The following CCM2 variants were observed in gnomAD, a reference collection of about 807,000 sequenced individuals.
The protein encoded by CCM2 is cerebral cavernous malformations 2 protein.
Under a neutral mutation model 44.9 loss-of-function variants are expected in CCM2, and 25 were observed. The ratio of observed to expected loss-of-function variants is 0.56; its 90% CI spans 0.41 to 0.78. The LOEUF is 0.78. CCM2 is among the 30% of genes least tolerant of loss of function. The probability of loss-of-function intolerance (pLI) is 0.00; values close to 1 mark genes in which losing one functional copy is unlikely to be tolerated. For missense variants in CCM2, 481 were observed against 580.6 expected (o/e 0.83, Z 1.76); for synonymous variants, 219 against 241.1 (o/e 0.91, Z 0.85).
intron 1 of CCM2, among the ~76,000 whole-genome samples, chr7:45,022,538 C>T (rs1796523550): frequency 6.6e-6 from 1 of 151,508 alleles, no homozygotes; most frequent in African/African-American, 2.4e-5. Flanking sequence ...CATCTCCTGA[C>T]CTCGTCATCC....
rs574113712 is a variant in CCM2, at chr7:45,022,473, AT to A, written c.31-15774del. On this transcript the variant is annotated intron_variant, in intron 1 of 9. Transcript: ENST00000258781. ...AGGCGCCCACCACCGTGCCCGGCTA[AT>A]TTTTTGTATTTTTAGTAGAGACGGG... Among the ~76,000 whole-genome samples, 360 of 149,144 alleles carry A rather than the reference AT, an allele frequency of 2.4e-3. 2 individuals are homozygous for A. The highest frequency in any genetic ancestry group is 8.6e-3 in the African/African-American group (348 of 40,448).
intron 1 of CCM2, among the ~76,000 whole-genome samples, chr7:45,007,781 T>C (rs922362931): frequency 6.8e-6 from 1 of 148,054 alleles, no homozygotes; most frequent in Non-Finnish European, 1.5e-5. Flanking sequence ...CTGGTCAGCC[T>C]AAACCCGTGG....
intron 1 of CCM2, among the ~76,000 whole-genome samples, chr7:45,010,281 C>T (rs1432866379): frequency 6.6e-6 from 1 of 152,174 alleles, no homozygotes; most frequent in East Asian, 1.9e-4. Flanking sequence ...ACTGAAACCC[C>T]TACTAAGAAA....
chr7:45,063,982 A>G lies in CCM2; in HGVS notation c.269A>G (p.His90Arg), dbSNP rs747829765. 6.2e-7 allele frequency: 1 copy of G among 1,612,266 alleles called. No individual in the cohort carries two copies. The highest frequency in any genetic ancestry group is 2.2e-5 in the East Asian group (1 of 44,860). Reference protein sequence around the residue: ...LNPSSRTEILHFIDNAKRAHQ... With the variant: ...LNPSSRTEILRFIDNAKRAHQ... ...CCCTCCAGTAGGACTGAAATCCTGC[A>G]TTTCATAGACAATGCAAAGGTAACC... The change falls in exon 3 of 10, where the codon CAT becomes CGT. Residue 90 changes from histidine to arginine, a missense_variant. His to Arg is a conservative substitution (Grantham distance 29). Coordinates refer to ENST00000258781, the MANE Select transcript of CCM2 (RefSeq NM_031443.4).
intron 1 of CCM2, among the ~76,000 whole-genome samples, chr7:45,013,414 C>T (rs1414633331): frequency 6.6e-6 from 1 of 151,770 alleles, no homozygotes; most frequent in Non-Finnish European, 1.5e-5. Flanking sequence ...ATACAGAGTA[C>T]ACAGAGCCCT....
chr7:45,070,322 G>T, intron 6 of CCM2: 1 of 378,542 alleles, frequency 2.6e-6, no homozygotes, highest in Non-Finnish European at 5.2e-6. Flanking sequence ...GGCTGAGAGT[G>T]GGTCTGGGGA....
intron 1 of CCM2, among the ~76,000 whole-genome samples, chr7:45,005,459 G>A (rs1437742946): frequency 2.6e-5 from 4 of 152,214 alleles, no homozygotes; most frequent in Non-Finnish European, 5.9e-5. Context: ...CCCTGCAGAC[G>A]AGAAGGGCGT....
intron 2 of CCM2, among the ~76,000 whole-genome samples, chr7:45,053,314 C>T (rs942320281): frequency 5.3e-5 from 8 of 152,226 alleles, no homozygotes; most frequent in Non-Finnish European, 1.2e-4. Context: ...TTGGTCTCTC[C>T]TTCAGTCAGT....
intron 5 of CCM2, 40 bp from the exon 6 acceptor site, chr7:45,069,786 C>G (rs1165837951): frequency 6.2e-6 from 10 of 1,613,008 alleles, no homozygotes; most frequent in Non-Finnish European, 8.5e-6. Flanking sequence ...GGCGCAGTCT[C>G]CAGCCAGACT....
chr7:45,042,236 A>T (rs1344759695), intron 2 of CCM2, among the ~76,000 whole-genome samples: 1 of 140,500 alleles, frequency 7.1e-6, no homozygotes, highest in Non-Finnish European at 1.5e-5. Flanking sequence ...ACTGCACTCC[A>T]GCCTGGGTAA....
chr7:45,025,659 G>C (rs549126988), intron 1 of CCM2, among the ~76,000 whole-genome samples: 19 of 151,706 alleles, frequency 1.3e-4, no homozygotes, highest in Non-Finnish European at 2.1e-4. Flanking sequence ...TCAGCCTCCC[G>C]AATAGCTGGG....
At chr7:45,058,888 C>T (rs970553348) in intron 2 of CCM2, among the ~76,000 whole-genome samples, 8 of 149,498 alleles carry the variant, frequency 5.4e-5, no homozygotes, top group South Asian at 2.2e-4. Context: ...CACCTGCCAC[C>T]ACGCCCAGCT....
chr7:45,069,767 G>A (rs1381013232), intron 5 of CCM2, 59 bp from the exon 6 acceptor site: 9 of 1,609,186 alleles, frequency 5.6e-6, no homozygotes, highest in African/African-American at 4.0e-5. Flanking sequence ...CCTGGAAGCC[G>A]CCTGGGAAGG....
chr7:45,069,778 C>T (rs1444508943), intron 5 of CCM2, 48 bp from the exon 6 acceptor site: 1 of 1,611,990 alleles, frequency 6.2e-7, no homozygotes, highest in Non-Finnish European at 8.5e-7. Context: ...CCTGGGAAGG[C>T]GCAGTCTCCA....
intron 2 of CCM2, among the ~76,000 whole-genome samples, chr7:45,050,636 C>T (rs1194420199): frequency 2.0e-5 from 3 of 152,164 alleles, no homozygotes; most frequent in Non-Finnish European, 4.4e-5. Context: ...TTCAAATGGT[C>T]AAAAGTCAGG....
In CCM2 at chr7:45,038,342, C is replaced by T. The variant is rs1364634508; in HGVS notation, c.120C>T (p.Arg40=). The change falls in exon 2 of 10, where the codon CGC becomes CGT. Residue 40 remains arginine (R), a synonymous_variant. Transcript: ENST00000258781. ...CCCATGAGAAGGTGACAGAGAGGCG[C>T]CCTCTGCACACTGTGGTGTTGTCAT... ...KKAHEKVTER[R]PLHTVVLSLP... 23 of 1,614,130 alleles carry T rather than the reference C, an allele frequency of 1.4e-5. No individual in the cohort carries two copies. Among genetic ancestry groups the T allele is most frequent in the Non-Finnish European group, 1.9e-5 (23 of 1,180,010 alleles).
chr7:45,064,359 T>C, intron 3 of CCM2, 104 bp from the exon 4 acceptor site: 1 of 1,120,052 alleles, frequency 8.9e-7, no homozygotes, highest in Non-Finnish European at 1.3e-6. Context: ...TCACTCAGCA[T>C]TTGTCACATG....
intron 1 of CCM2, among the ~76,000 whole-genome samples, chr7:45,017,975 A>C (rs1181588538): frequency 2.0e-5 from 3 of 152,230 alleles, no homozygotes; most frequent in Non-Finnish European, 4.4e-5. Context: ...TTACAGCAGC[A>C]GTCCCCAACC....
chr7:45,066,009 G>C (rs1029064544), intron 4 of CCM2, among the ~76,000 whole-genome samples: 1 of 152,134 alleles, frequency 6.6e-6, no homozygotes, highest in Admixed American at 6.5e-5. Context: ...GGGGAGATAG[G>C]CTCCTCCCTT....
Sources: allele counts gnomAD v4.1 joint callset (sites outside exome capture counted in the v4.1 genomes callset), GRCh38; gene constraint gnomAD v4.1.1; transcripts MANE v1.5; gene names NCBI Gene and HGNC (gene_info 2026-07-23, HGNC 2026-07-21).